The following MYBBP1A variants were observed in gnomAD, a reference collection of about 807,000 sequenced individuals.
The protein encoded by MYBBP1A is MYB binding protein 1a.
A neutral mutation model predicts 136.3 loss-of-function variants in MYBBP1A; 147 were observed. That is an observed-to-expected ratio of 1.08 (90% confidence interval 0.94 to 1.24). The LOEUF (loss-of-function observed/expected upper bound fraction) is 1.24, where lower values mean the gene tolerates loss of function less well. MYBBP1A is among the 50% of genes most tolerant of loss of function. MYBBP1A has a pLI of 0.00. For synonymous variants in MYBBP1A, 947 were observed against 735.8 expected (o/e 1.29, Z -4.65); for missense variants, 2,060 against 1,727.4 (o/e 1.19, Z -3.41).
rs752169685 is a variant in MYBBP1A at position 4,539,713 on chromosome 17, G to A, written c.3689C>T (p.Thr1230Ile). The A allele has an allele frequency of 1.3e-5, 21 of 1,609,682 alleles. No homozygotes were observed. In the East Asian group the frequency reaches 4.5e-4, roughly 34 times the overall value. Reference protein sequence around the residue: ...VPAQANGTPTTKSPAPGAPTR... With the variant: ...VPAQANGTPTIKSPAPGAPTR... ...GGGGGCGCCAGGGGCTGGACTCTTG[G>A]TGGTTGGCGTCCCGTTTGCCTGGGC... The change falls in exon 26 of 26, where the codon ACC (threonine) becomes ATC (isoleucine). Residue 1230 changes from threonine to isoleucine, a missense_variant. Thr to Ile is a moderately conservative substitution (Grantham distance 89). Transcript: ENST00000254718.
intron 19 of MYBBP1A, 96 bp from the exon 20 acceptor site, chr17:4,543,261 A>C (rs1490286123): frequency 7.6e-6 from 11 of 1,448,626 alleles, no homozygotes; most frequent in Non-Finnish European, 1.0e-5. Context: ...TAAGTGGGGA[A>C]ACAGACCTAG....
intron 13 of MYBBP1A, 26 bp from the exon 14 acceptor site, chr17:4,545,968 G>A (rs1455832754): frequency 6.2e-7 from 1 of 1,602,998 alleles, no homozygotes; most frequent in Non-Finnish European, 8.5e-7. Flanking sequence ...GACACACACT[G>A]GGGCCAGGCC....
At position 4,545,750 on chromosome 17, in the gene MYBBP1A, G is replaced by T. The variant is rs1448609099; in HGVS notation, c.1933C>A (p.Pro645Thr). 1.2e-6 allele frequency: 2 copies of T among 1,605,972 alleles called. No homozygotes were observed. The highest frequency in any genetic ancestry group is 1.3e-5 in the African/African-American group (1 of 74,950). ...TCCACCAGCACCTCTACCCACGGGG[G>T]TTCCTGGGGGTCTGCAAGAGGGAGG... Reference protein sequence around the residue: ...SRTKTIDPQEPPWVEVLVEIL... With the variant: ...SRTKTIDPQETPWVEVLVEIL... Residue 645 changes from proline (P) to threonine (T), a missense_variant, in exon 15 of 26, where the codon CCC becomes ACC. Transcript: ENST00000254718.
Position 4,543,501 on chromosome 17 carries a change from CAA to C in MYBBP1A, c.2640-338_2640-337del, listed in dbSNP as rs575217622. Among the ~76,000 whole-genome samples the C allele has an allele frequency of 2.0e-5, 3 of 152,296 alleles. No homozygotes were observed. In the South Asian group the frequency reaches 6.2e-4, roughly 32 times the overall value. Reference sequence around the variant, plus strand: ...CCTTCAGGCCTTTTGTAAAGCGAGACAAGGGTTCATGTGCTTAGAACCCTCTG... The same window carrying C: ...CCTTCAGGCCTTTTGTAAAGCGAGACGGGTTCATGTGCTTAGAACCCTCTG... On this transcript the variant is annotated intron_variant, in intron 19 of 25. Transcript: ENST00000254718.
Position 4,551,945 on chromosome 17 carries a change from G to A in MYBBP1A, c.958C>T (p.Gln320Ter), listed in dbSNP as rs778871372. The A allele has an allele frequency of 6.2e-7, 1 of 1,612,862 alleles. No homozygotes were observed. Among genetic ancestry groups the A allele is most frequent in the Non-Finnish European group, 8.5e-7 (1 of 1,179,328 alleles). Residue 320 changes from glutamine (Q) to a stop codon, truncating the protein, a stop_gained, in exon 8 of 26, where the codon CAG becomes TAG. Coordinates refer to ENST00000254718, the MANE Select transcript of MYBBP1A (RefSeq NM_014520.4). LOFTEE classifies it high-confidence loss of function. ...GAALPLLTKE[Q>*]LHLVMQGDVI... The stretch of plus-strand genomic sequence containing the variant: ...TCTCCCTGCATCACCAGGTGCAGCT[G>A]CTCCTTGGTCAGCAGGGGCAGGGCC...
In MYBBP1A at chr17:4,550,180, G is replaced by T; in HGVS notation, c.1197C>A (p.Ser399Arg). ...CCACATAGCCCTGCAGGGCCGGAGG[G>T]CTCAGGAACCGCACGACCCGCCAGA... ...PTFWRVVRFL[S>R]PPALQGYVAW... The change falls in exon 9 of 26, where the codon AGC becomes AGA. Residue 399 changes from serine to arginine, a missense_variant. Physicochemically the swap from Ser to Arg is moderately radical, Grantham distance 110. Transcript: ENST00000254718. 1 of 1,613,968 alleles carries T rather than the reference G, an allele frequency of 6.2e-7. No individual in the cohort carries two copies. The highest frequency in any genetic ancestry group is 1.6e-4 in the Middle Eastern group (1 of 6,062).
At position 4,552,246 on chromosome 17, in the gene MYBBP1A, G is replaced by T; in HGVS notation, c.784C>A (p.Arg262Ser). 6.2e-7 allele frequency: 1 copy of T among 1,614,188 alleles called. No homozygotes were observed. The highest frequency in any genetic ancestry group is 1.3e-5 in the African/African-American group (1 of 75,066). Residue 262 changes from arginine (R) to serine (S), a missense_variant, in exon 7 of 26, where the codon CGC becomes AGC. Arg to Ser is a moderately radical substitution (Grantham distance 110). Coordinates refer to ENST00000254718, the MANE Select transcript of MYBBP1A (RefSeq NM_014520.4). This position sits in a 1 kb window ranked among gnomAD's most constrained non-coding sequence, Gnocchi z 4.7. Reference protein sequence around the residue: ...KMAASSVKKDRKLPAIALDLL... With the variant: ...KMAASSVKKDSKLPAIALDLL... Reference sequence around the variant, plus strand: ...TCCAGAGCAATGGCGGGCAGCTTGCGGTCCTTCTTCACAGAGGAGGCGGCC... The same window carrying T: ...TCCAGAGCAATGGCGGGCAGCTTGCTGTCCTTCTTCACAGAGGAGGCGGCC...
chr17:4,541,250 A>G (rs1473955254), intron 24 of MYBBP1A, among the ~76,000 whole-genome samples: 1 of 152,214 alleles, frequency 6.6e-6, no homozygotes, highest in Non-Finnish European at 1.5e-5. Context: ...CAGGAGGAGG[A>G]CAGGGTGGCA....
rs1458353137 is a variant in MYBBP1A, at chr17:4,545,028, G to A, written c.2308C>T (p.Leu770=). 1.2e-6 allele frequency: 1 copy of A among 819,438 alleles called. No individual in the cohort carries two copies. Among genetic ancestry groups the A allele is most frequent in the Non-Finnish European group, 1.5e-6 (1 of 659,190 alleles). 50.8% of individuals were successfully genotyped at this position (819,438 alleles called of 1,614,324 possible). Residue 770 remains leucine (L), a splice_region_variant and synonymous_variant, in exon 17 of 26, where the codon CTG becomes TTG. Transcript: ENST00000254718. ...CCCCCTCCACCTCCCCCACTCACCA[G>A]CGCCTTCCCAGCCTGCAGCACGGTC... is the stretch of plus-strand genomic sequence containing the variant. ...LMTVLQAGKA[L]GGEDSENEEE...
chr17:4,544,631 C>T lies in MYBBP1A; in HGVS notation c.2497G>A (p.Glu833Lys). ...DFQIRVLDLV[E>K]VLVTKQPENA... is the part of the protein sequence containing the mutation. ...TCGGGCTGCTTGGTCACTAGCACCTCCACCAGGTCCAGCACCTGCAGCCAG... is the reference window on the plus strand; with the variant it reads ...TCGGGCTGCTTGGTCACTAGCACCTTCACCAGGTCCAGCACCTGCAGCCAG... Residue 833 changes from glutamate (E) to lysine (K), a missense_variant, in exon 19 of 26, where the codon GAG (glutamate) becomes AAG (lysine). Coordinates refer to ENST00000254718, the MANE Select transcript of MYBBP1A (RefSeq NM_014520.4). 7 of 1,589,940 alleles carry T rather than the reference C, an allele frequency of 4.4e-6. No individual in the cohort carries two copies. Among genetic ancestry groups the T allele is most frequent in the Non-Finnish European group, 6.0e-6 (7 of 1,167,548 alleles).
Position 4,542,672 on chromosome 17 carries a change from T to G in MYBBP1A, c.2962A>C (p.Lys988Gln), listed in dbSNP as rs1264987215. The G allele has an allele frequency of 6.2e-7, 1 of 1,613,948 alleles. No individual in the cohort carries two copies. The highest frequency in any genetic ancestry group is 1.7e-5 in the Admixed American group (1 of 60,016). Residue 988 changes from lysine (K) to glutamine (Q), a missense_variant, in exon 21 of 26, where the codon AAG becomes CAG. Lys to Gln is a moderately conservative substitution (Grantham distance 53). Transcript: ENST00000254718. Reference sequence around the variant, plus strand: ...GGAACTGTGAGGGGGCTGTTGCGCTTGGTCAGGAAGGAGCTCAGTGCTGTC... The same window carrying G: ...GGAACTGTGAGGGGGCTGTTGCGCTGGGTCAGGAAGGAGCTCAGTGCTGTC... Reference protein sequence around the residue: ...YSTALSSFLTKRNSPLTVPMF... With the variant: ...YSTALSSFLTQRNSPLTVPMF...
chr17:4,541,595 C>G, intron 23 of MYBBP1A, 31 bp from the exon 24 acceptor site: 2 of 1,597,378 alleles, frequency 1.3e-6, no homozygotes, highest in Middle Eastern at 1.7e-4. Context: ...TGAGGCACTC[C>G]GGAGAGCTGC....
rs1301118565 is a variant in MYBBP1A, at chr17:4,539,495, A to C, written c.3907T>G (p.Ser1303Ala). ...AGGCTGGGACTCCTGATGACCAAAG[A>C]CAGCCTTGCCTTTTTCCGTGCCAGC... Reference protein sequence around the residue: ...SALARKKARLSLVIRSPSLLQ... With the variant: ...SALARKKARLALVIRSPSLLQ... The change falls in exon 26 of 26, where the codon TCT becomes GCT. Residue 1303 changes from serine to alanine, a missense_variant. Transcript: ENST00000254718. 6.2e-7 allele frequency: 1 copy of C among 1,614,092 alleles called. No homozygotes were observed. Among genetic ancestry groups the C allele is most frequent in the Non-Finnish European group, 8.5e-7 (1 of 1,180,016 alleles).
At position 4,542,536 on chromosome 17, in the gene MYBBP1A, G is replaced by A; in HGVS notation, c.3019-4C>T. The A allele has an allele frequency of 6.2e-7, 1 of 1,612,478 alleles. No homozygotes were observed. ...GGAGCAGGCTCTGACAGAGCACCTG[G>A]TGGGGAGTGACAAGGGCTGTGAGGT... On this transcript the variant is annotated splice_region_variant and splice_polypyrimidine_tract_variant and intron_variant, in intron 21 of 25. Transcript: ENST00000254718.
At chr17:4,545,526 C>G in intron 15 of MYBBP1A, 84 bp downstream of exon 15, 1 of 1,519,882 alleles carries the variant, frequency 6.6e-7, no homozygotes. Context: ...GGCAGGGAGG[C>G]TGGAGGCTGA....
At position 4,539,172 on chromosome 17, in the gene MYBBP1A, T is replaced by C; in HGVS notation, c.*243A>G. 6.9e-7 allele frequency: 1 copy of C among 1,456,078 alleles called. No homozygotes were observed. Among genetic ancestry groups the C allele is most frequent in the Admixed American group, 2.8e-5 (1 of 36,066 alleles). 90.2% of individuals were successfully genotyped at this position (1,456,078 alleles called of 1,614,324 possible). ...AACACCAGAGCCCTGGACATGGCCC[T>C]GGAGCCAGGGTCCCAGCCCAGAACC... On this transcript the variant is annotated 3_prime_UTR_variant, in exon 26 of 26. Transcript: ENST00000254718.
chr17:4,541,968 G>A (rs1196784992), intron 22 of MYBBP1A, 77 bp from the exon 23 acceptor site: 2 of 1,117,636 alleles, frequency 1.8e-6, no homozygotes, highest in East Asian at 4.9e-5. Context: ...TGAGGGCTCG[G>A]GGGCCCGCTG....
Position 4,539,827 on chromosome 17 carries a change from G to A in MYBBP1A, c.3575C>T (p.Ala1192Val), listed in dbSNP as rs576153072. ...KKRKSEDGTP[A>V]EDGTPAATGG... ...GGTGGCTGCAGGTGTGCCATCCTCC[G>A]CTGGCGTGCCATCCTCTGACTTGCG... The change falls in exon 26 of 26, where the codon GCG (alanine) becomes GTG (valine). Residue 1192 changes from alanine (A) to valine (V), a missense_variant. Physicochemically the swap from Ala to Val is moderately conservative, Grantham distance 64. Transcript: ENST00000254718. The A allele has an allele frequency of 4.5e-5, 72 of 1,610,594 alleles. No homozygotes were observed. Among genetic ancestry groups the A allele is most frequent in the Admixed American group, 1.3e-4 (8 of 60,014 alleles).
At chr17:4,540,573 G>GACC in intron 24 of MYBBP1A, 89 bp from the exon 25 acceptor site, 1 of 1,421,478 alleles carries the variant, frequency 7.0e-7, no homozygotes, top group Non-Finnish European at 9.3e-7. Flanking sequence ...CCCTGTTGCT[G>GACC]CCTCACCAGT....
Sources: gnomAD v4.1 joint callset for allele counts (sites outside exome capture counted in the v4.1 genomes callset) on GRCh38, gnomAD v4.1.1 for gene constraint, Gnocchi (gnomAD v3.1) non-coding constraint, MANE v1.5 for transcripts, NCBI Gene and HGNC (gene_info 2026-07-23, HGNC 2026-07-21) for gene names.